The following NALF1 variants were observed in gnomAD, a reference collection of about 807,000 sequenced individuals.
The protein encoded by NALF1 is family with sequence similarity 155 member A.
In NALF1, 3 loss-of-function variants were observed where a neutral mutation model predicts 48.4. That is an observed-to-expected ratio of 0.06 (90% CI 0.03 to 0.16). The LOEUF is 0.16. Ranked by LOEUF, NALF1 falls within the 10% of genes least tolerant of loss-of-function variation. The pLI, the probability that NALF1 is intolerant of heterozygous loss-of-function variation, is 1.00. For synonymous variants in NALF1, 262 were observed against 245.7 expected (o/e 1.07, Z -0.62); for missense variants, 526 against 571.5 (o/e 0.92, Z 0.81).
intron 1 of NALF1, among the ~76,000 whole-genome samples, chr13:107,383,094 T>C (rs1032214555): frequency 3.9e-5 from 6 of 152,170 alleles, no homozygotes; most frequent in Admixed American, 1.3e-4. Flanking sequence ...TGGGTACAGT[T>C]TGAATATTTT....
chr13:107,787,748 T>C (rs952760646), intron 1 of NALF1, among the ~76,000 whole-genome samples: 3 of 152,138 alleles, frequency 2.0e-5, no homozygotes, highest in African/African-American at 7.2e-5. Flanking sequence ...TACATCTGTC[T>C]CATAGAAAAT....
chr13:107,291,777 T>C (rs922692577), intron 1 of NALF1, among the ~76,000 whole-genome samples: 10 of 152,240 alleles, frequency 6.6e-5, no homozygotes, highest in African/African-American at 2.4e-4. Context: ...AAAACAGTTT[T>C]ATGCTTTGAA....
chr13:107,405,834 A>G (rs779294944), intron 1 of NALF1, among the ~76,000 whole-genome samples: 9 of 152,032 alleles, frequency 5.9e-5, no homozygotes, highest in Non-Finnish European at 1.2e-4. Context: ...AGATAAAAGA[A>G]TACACCAGTA....
intron 1 of NALF1, among the ~76,000 whole-genome samples, chr13:107,336,141 T>C (rs1477424163): frequency 1.3e-5 from 2 of 151,968 alleles, no homozygotes; most frequent in African/African-American, 4.8e-5. Flanking sequence ...CACTTGAGGC[T>C]AGGAATTCAA....
chr13:107,437,719 G>A (rs961971661), intron 1 of NALF1, among the ~76,000 whole-genome samples: 1 of 152,140 alleles, frequency 6.6e-6, no homozygotes, highest in African/African-American at 2.4e-5. Context: ...TGCTAAAAAG[G>A]GGCAAGAGAA....
intron 1 of NALF1, among the ~76,000 whole-genome samples, chr13:107,281,098 A>T (rs555939626): frequency 3.3e-4 from 51 of 152,340 alleles, no homozygotes; most frequent in African/African-American, 1.2e-3. Context: ...GTGAATTTTT[A>T]AATTTATTCC....
chr13:107,370,372 C>G (rs993900042), intron 1 of NALF1, among the ~76,000 whole-genome samples: 5 of 152,168 alleles, frequency 3.3e-5, no homozygotes, highest in Non-Finnish European at 7.3e-5. Context: ...AGAGTACAAA[C>G]AGGCTCTTGC....
intron 1 of NALF1, among the ~76,000 whole-genome samples, chr13:107,375,115 G>A (rs1016833186): frequency 1.3e-5 from 2 of 152,086 alleles, no homozygotes; most frequent in Non-Finnish European, 2.9e-5. Flanking sequence ...ATTTGAATAG[G>A]ATAAGTATAA....
chr13:107,568,298 C>A (rs1877877301), intron 1 of NALF1, among the ~76,000 whole-genome samples: 1 of 152,140 alleles, frequency 6.6e-6, no homozygotes, highest in African/African-American at 2.4e-5. Flanking sequence ...CTTTTTATTG[C>A]TGGACAGTTT....
intron 1 of NALF1, among the ~76,000 whole-genome samples, chr13:107,490,523 G>A (rs1327745030): frequency 6.6e-6 from 1 of 152,120 alleles, no homozygotes; most frequent in Non-Finnish European, 1.5e-5. Context: ...AGACTAGATG[G>A]ACACACAGAG....
chr13:107,835,610 G>A (rs971150654), intron 1 of NALF1, among the ~76,000 whole-genome samples: 9 of 150,824 alleles, frequency 6.0e-5, no homozygotes, highest in African/African-American at 2.2e-4. Flanking sequence ...GTGAGCTTAG[G>A]GGCAGGCACA....
intron 1 of NALF1, among the ~76,000 whole-genome samples, chr13:107,528,276 CTT>C (rs1876509541): frequency 6.6e-6 from 1 of 151,860 alleles, no homozygotes; most frequent in South Asian, 2.1e-4. Flanking sequence ...ATAACAGAAA[CTT>C]TGTCATAATA....
chr13:107,378,401 T>C (rs1314430748), intron 1 of NALF1, among the ~76,000 whole-genome samples: 1 of 150,336 alleles, frequency 6.7e-6, no homozygotes, highest in East Asian at 2.0e-4. Flanking sequence ...GACATATATA[T>C]ATATATATGT....
chr13:107,215,528 G>C (rs1879854568), intron 1 of NALF1, among the ~76,000 whole-genome samples: 1 of 151,948 alleles, frequency 6.6e-6, no homozygotes, highest in African/African-American at 2.4e-5. Context: ...TAAAGCTTTG[G>C]TTATAACGGC....
intron 1 of NALF1, among the ~76,000 whole-genome samples, chr13:107,575,414 C>G (rs1280511034): frequency 6.6e-6 from 1 of 152,150 alleles, no homozygotes; most frequent in East Asian, 1.9e-4. Flanking sequence ...GCTCTTGTCT[C>G]TCCAGGGCAC....
chr13:107,343,970 C>G (rs1882729233), intron 1 of NALF1, among the ~76,000 whole-genome samples: 1 of 151,140 alleles, frequency 6.6e-6, no homozygotes, highest in African/African-American at 2.4e-5. Context: ...ACTAAGAAAA[C>G]AAGGGAAGAC....
chr13:107,853,075 C>A (rs1489932931), intron 1 of NALF1, among the ~76,000 whole-genome samples: 4 of 152,040 alleles, frequency 2.6e-5, no homozygotes, highest in African/African-American at 9.7e-5. Flanking sequence ...ATTAATTTTT[C>A]TAAAATTATT....
chr13:107,637,574 T>G (rs747720360), intron 1 of NALF1, among the ~76,000 whole-genome samples: 3 of 152,192 alleles, frequency 2.0e-5, no homozygotes, highest in Non-Finnish European at 4.4e-5. Flanking sequence ...CTGTGGCAGA[T>G]TCATTATCCT....
intron 1 of NALF1, among the ~76,000 whole-genome samples, chr13:107,682,303 T>C (rs577467866): frequency 4.7e-4 from 71 of 152,284 alleles, no homozygotes; most frequent in African/African-American, 1.6e-3. Flanking sequence ...GGCGATGTCA[T>C]CTATAAGGAG....
Sources: allele counts gnomAD v4.1 joint callset (sites outside exome capture counted in the v4.1 genomes callset), GRCh38; gene constraint gnomAD v4.1.1; transcripts MANE v1.5; gene names NCBI Gene and HGNC (gene_info 2026-07-23, HGNC 2026-07-21).